The following RNF111 variants were observed in gnomAD, a reference collection of about 807,000 sequenced individuals.
RNF111 encodes the protein ring finger protein 111, also known as E3 ubiquitin-protein ligase Arkadia.
RNF111 carries 17 observed loss-of-function variants against 95.1 expected under a neutral mutation model. The ratio of observed to expected loss-of-function variants is 0.18; its 90% CI spans 0.12 to 0.27. The LOEUF is 0.27. RNF111 is among the 10% of genes least tolerant of loss of function. The pLI is 1.00. For synonymous variants in RNF111, 440 were observed against 414.8 expected, an observed-to-expected ratio of 1.06 and a Z score of -0.74; for missense variants, 1,189 against 1,210.4, an observed-to-expected ratio of 0.98 and a Z score of 0.26.
intron 1 of RNF111, among the ~76,000 whole-genome samples, chr15:59,023,351 G>A (rs114020592): frequency 0.015 from 2,299 of 152,192 alleles, 44 homozygotes; most frequent in East Asian, 0.031. Context: ...AAATTTTTGC[G>A]TAACTGACAT....
chr15:59,007,968 C>T (rs1380715637), intron 1 of RNF111, among the ~76,000 whole-genome samples: 1 of 152,064 alleles, frequency 6.6e-6, no homozygotes, highest in Non-Finnish European at 1.5e-5. Flanking sequence ...CTTTTGTTTT[C>T]TTAATGCTGT....
chr15:59,005,633 A>T (rs2039507230), intron 1 of RNF111, among the ~76,000 whole-genome samples: 2 of 152,128 alleles, frequency 1.3e-5, no homozygotes, highest in African/African-American at 4.8e-5. Context: ...AAGTTAGACT[A>T]GTTTGAGGTG....
At chr15:59,050,922 G>T (rs2041949536) in intron 2 of RNF111, among the ~76,000 whole-genome samples, 1 of 152,138 alleles carries the variant, frequency 6.6e-6, no homozygotes, top group South Asian at 2.1e-4. Flanking sequence ...AAAAATTAAT[G>T]GGGTAAAAAA....
At chr15:59,085,230 G>T (rs1269660097) in intron 9 of RNF111, among the ~76,000 whole-genome samples, 2 of 152,154 alleles carry the variant, frequency 1.3e-5, no homozygotes, top group African/African-American at 4.8e-5. Flanking sequence ...AGGTGTAGAA[G>T]AGTTTGCTAT....
At chr15:59,006,237 C>T (rs1384856002) in intron 1 of RNF111, among the ~76,000 whole-genome samples, 1 of 152,120 alleles carries the variant, frequency 6.6e-6, no homozygotes, top group Non-Finnish European at 1.5e-5. Flanking sequence ...CAATATGAGG[C>T]ACACGTTTTA....
intron 1 of RNF111, among the ~76,000 whole-genome samples, chr15:59,016,804 A>G (rs2040088641): frequency 6.6e-6 from 1 of 152,138 alleles, no homozygotes; most frequent in Non-Finnish European, 1.5e-5. Flanking sequence ...ATGAGTAGTG[A>G]AGCTTCATCT....
intron 10 of RNF111, among the ~76,000 whole-genome samples, chr15:59,087,678 C>G (rs1389968458): frequency 6.6e-6 from 1 of 152,046 alleles, no homozygotes; most frequent in Non-Finnish European, 1.5e-5. Flanking sequence ...TCCTTATTGT[C>G]TTCACATTGA....
chr15:59,043,913 G>T (rs2041586452), intron 2 of RNF111, among the ~76,000 whole-genome samples: 1 of 152,166 alleles, frequency 6.6e-6, no homozygotes, highest in Non-Finnish European at 1.5e-5. Context: ...AATTTTAAGT[G>T]TTGCTTATTT....
chr15:59,031,269 T>C lies in RNF111; in HGVS notation c.447T>C (p.Asp149=), dbSNP rs2040890840. 1 of 1,614,074 alleles carries C rather than the reference T, an allele frequency of 6.2e-7. No individual in the cohort carries two copies. Among genetic ancestry groups the C allele is most frequent in the South Asian group, 1.1e-5 (1 of 91,080 alleles). ...SSPSSSLHFG[D]SDTVTSDEDK... ...CTTCATCTAGTCTGCATTTTGGAGA[T>C]TCTGATACTGTGACTTCAGATGAGG... is the stretch of plus-strand genomic sequence containing the variant. Residue 149 remains aspartate (D), a synonymous_variant, in exon 2 of 14, where the codon GAT becomes GAC. Transcript: ENST00000348370.
intron 4 of RNF111, among the ~76,000 whole-genome samples, chr15:59,057,714 GGCA>G (rs1566918335): frequency 1.6e-4 from 24 of 152,204 alleles, no homozygotes; most frequent in African/African-American, 5.5e-4. Context: ...CATATAAAAA[GGCA>G]TGGAAAGGAG....
chr15:58,988,207 C>G (rs1417808533), intron 1 of RNF111, 139 bp downstream of exon 1: 1 of 152,440 alleles, frequency 6.6e-6, no homozygotes. Flanking sequence ...TTATCTCTGG[C>G]TCGGTGGTGA....
intron 10 of RNF111, among the ~76,000 whole-genome samples, chr15:59,089,234 A>T (rs113690614): frequency 2.0e-5 from 3 of 152,298 alleles, no homozygotes; most frequent in African/African-American, 7.2e-5. Flanking sequence ...ATTAGAAAAC[A>T]GTGTTAAAAG....
chr15:59,060,951 G>A (rs1468514000), intron 5 of RNF111, among the ~76,000 whole-genome samples: 2 of 151,800 alleles, frequency 1.3e-5, no homozygotes, highest in African/African-American at 4.8e-5. Context: ...CACCACGTCC[G>A]GCTAATTTTT....
chr15:59,076,009 G>C lies in RNF111; in HGVS notation c.1742G>C (p.Ser581Thr). ...NSGIRSHGSG[S>T]FHGASAFDPC... ...GGTATCAGAAGTCATGGAAGTGGCA[G>C]TTTTCATGGAGCATCTGCATTTGAC... The change falls in exon 7 of 14, where the codon AGT (serine) becomes ACT (threonine). Residue 581 changes from serine (S) to threonine (T), a missense_variant. By Grantham distance (58) the Ser-to-Thr change is moderately conservative. Transcript: ENST00000348370. 1 of 1,614,222 alleles carries C rather than the reference G, an allele frequency of 6.2e-7. No individual in the cohort carries two copies. The highest frequency in any genetic ancestry group is 8.5e-7 in the Non-Finnish European group (1 of 1,180,042).
chr15:58,990,217 C>T (rs184265474), intron 1 of RNF111, among the ~76,000 whole-genome samples: 2 of 151,964 alleles, frequency 1.3e-5, no homozygotes, highest in African/African-American at 4.8e-5. Flanking sequence ...AGATAACTTT[C>T]GTTTTCTTTA....
intron 6 of RNF111, among the ~76,000 whole-genome samples, chr15:59,073,523 G>A (rs1442631220): frequency 6.6e-6 from 1 of 151,306 alleles, no homozygotes; most frequent in Non-Finnish European, 1.5e-5. Context: ...TTGCTCCTCC[G>A]TCAGAAGCAA....
rs1455603052 is a variant in RNF111, at chr15:59,095,515, G to C, written c.*615G>C. On this transcript the variant is annotated 3_prime_UTR_variant, in exon 14 of 14. Transcript: ENST00000348370. ...GGTAGTCACATCACCAGAGTGATCA[G>C]TATAAATTTTCTTGGTGTATCCTTT... 1.3e-5 allele frequency: 2 copies of C among 153,020 alleles called. No homozygotes were observed. Among genetic ancestry groups the C allele is most frequent in the African/African-American group, 2.4e-5 (1 of 41,482 alleles). The allele number at this position is 153,020 out of a possible 1,614,324, so 9.5% of individuals were successfully genotyped here.
chr15:59,061,451 C>T (rs2042434512), intron 5 of RNF111, among the ~76,000 whole-genome samples: 1 of 152,200 alleles, frequency 6.6e-6, no homozygotes, highest in Non-Finnish European at 1.5e-5. Flanking sequence ...TTGATCAGTT[C>T]CCTTTCGTTC....
intron 1 of RNF111, among the ~76,000 whole-genome samples, chr15:58,989,250 G>C (rs1043426522): frequency 8.5e-5 from 13 of 152,166 alleles, no homozygotes; most frequent in African/African-American, 2.7e-4. Context: ...TATTTGTGAG[G>C]TGAAACAGAT....
Sources: allele counts gnomAD v4.1 joint callset (sites outside exome capture counted in the v4.1 genomes callset), GRCh38; gene constraint gnomAD v4.1.1; transcripts MANE v1.5; gene names NCBI Gene and HGNC (gene_info 2026-07-23, HGNC 2026-07-21).